SHROOM3: variants seen among roughly 807,000 people sequenced by gnomAD.
The protein encoded by SHROOM3 is protein Shroom3.
A neutral mutation model predicts 138.6 loss-of-function variants in SHROOM3; 47 were observed. The ratio of observed to expected loss-of-function variants is 0.34; its 90% confidence interval spans 0.27 to 0.43. The LOEUF (loss-of-function observed/expected upper bound fraction) is 0.43. Among genes scored for constraint, SHROOM3 ranks in the 20% least tolerant of loss-of-function variants. The probability of loss-of-function intolerance (pLI) is 1.00; values close to 1 mark genes in which losing one functional copy is unlikely to be tolerated. For missense variants in SHROOM3, 2,491 were observed against 2,596.5 expected, an observed-to-expected ratio of 0.96 and a Z score of 0.88; for synonymous variants, 1,062 against 1,063.3, an observed-to-expected ratio of 1.00 and a Z score of 0.02.
intron 1 of SHROOM3, among the ~76,000 whole-genome samples, chr4:76,454,307 G>A (rs1473902745): frequency 2.0e-5 from 3 of 152,212 alleles, no homozygotes; most frequent in Admixed American, 2.0e-4. Flanking sequence ...GCCTCACAAA[G>A]TGCTGGGATT....
intron 6 of SHROOM3, among the ~76,000 whole-genome samples, chr4:76,749,998 C>G (rs1721568614): frequency 6.6e-6 from 1 of 152,172 alleles, no homozygotes; most frequent in African/African-American, 2.4e-5. Context: ...TTCATTCAAT[C>G]ATTGTTTCTA....
intron 1 of SHROOM3, among the ~76,000 whole-genome samples, chr4:76,520,165 T>C (rs886499118): frequency 2.0e-5 from 3 of 152,152 alleles, no homozygotes; most frequent in African/African-American, 7.2e-5. Flanking sequence ...CCCCTGTACA[T>C]TAAGCCCAAA....
chr4:76,607,193 AT>A (rs1173871830), intron 2 of SHROOM3, among the ~76,000 whole-genome samples: 1 of 145,728 alleles, frequency 6.9e-6, no homozygotes, highest in Non-Finnish European at 1.5e-5. Flanking sequence ...TTTCTGTTTT[AT>A]GGAACTAAAG....
At chr4:76,491,810 C>T (rs1215783959) in intron 1 of SHROOM3, among the ~76,000 whole-genome samples, 1 of 152,184 alleles carries the variant, frequency 6.6e-6, no homozygotes, top group Non-Finnish European at 1.5e-5. Flanking sequence ...CAAATTGATG[C>T]AGACTTTGTG....
intron 2 of SHROOM3, among the ~76,000 whole-genome samples, chr4:76,634,810 T>A (rs188778836): frequency 1.3e-5 from 2 of 152,172 alleles, no homozygotes; most frequent in Admixed American, 1.3e-4. Context: ...TTTGTGTGAC[T>A]TAGAGGAAGA....
rs1351302591 is a variant in SHROOM3 at position 76,781,050 on chromosome 4, T to C, written c.*1873T>C. On this transcript the variant is annotated 3_prime_UTR_variant, in exon 11 of 11. Transcript: ENST00000296043. ...TCAGAGGAATCCAGGGGGCTCCCAG[T>C]TCCCAACACTCTTCGAGATGACCAT... 6.6e-6 allele frequency: 1 copy of C among 152,200 alleles called. No individual in the cohort carries two copies. The highest frequency in any genetic ancestry group is 1.9e-4 in the East Asian group (1 of 5,196). The allele number at this position is 152,200 out of a possible 1,614,324, so 9.4% of individuals were successfully genotyped here.
intron 1 of SHROOM3, among the ~76,000 whole-genome samples, chr4:76,528,693 T>C (rs1374818156): frequency 2.6e-5 from 4 of 152,068 alleles, no homozygotes; most frequent in African/African-American, 9.7e-5. Flanking sequence ...GCTGGGATTA[T>C]AGGCATGTGC....
At chr4:76,720,519 T>C (rs1720511334) in intron 3 of SHROOM3, among the ~76,000 whole-genome samples, 2 of 152,202 alleles carry the variant, frequency 1.3e-5, no homozygotes. Flanking sequence ...ATCATTTTCC[T>C]ATAAACAGTA....
At chr4:76,487,655 G>A (rs1333599508) in intron 1 of SHROOM3, among the ~76,000 whole-genome samples, 2 of 149,920 alleles carry the variant, frequency 1.3e-5, no homozygotes, top group Non-Finnish European at 2.9e-5. Context: ...AAATTGAAAT[G>A]TACTACTGGG....
intron 10 of SHROOM3, among the ~76,000 whole-genome samples, chr4:76,774,061 T>A (rs1257186386): frequency 6.6e-6 from 1 of 152,134 alleles, no homozygotes; most frequent in Non-Finnish European, 1.5e-5. Context: ...TAGGCAATTG[T>A]CCTGGGGGTA....
At position 76,739,452 on chromosome 4, in the gene SHROOM3, T is replaced by C. The variant is rs758201409; in HGVS notation, c.1279T>C (p.Phe427Leu). The change falls in exon 5 of 11, where the codon TTC (phenylalanine) becomes CTC (leucine). Residue 427 changes from phenylalanine to leucine, a missense_variant. Physicochemically the swap from Phe to Leu is conservative, Grantham distance 22. This residue lies in a region of SHROOM3 where 1,733 missense variants were observed against 1,661.6 expected (regional missense o/e 1.04). Coordinates refer to ENST00000296043, the MANE Select transcript of SHROOM3 (RefSeq NM_020859.4). ...ANSLGSLKSP[F>L]IEEQLHTVLE... ...CTCTTTAGGCTCCCTGAAGTCTCCA[T>C]TCATAGAGGAGCAGCTGCATACTGT... is the stretch of plus-strand genomic sequence containing the variant. The C allele has an allele frequency of 1.9e-5, 30 of 1,614,022 alleles. No homozygotes were observed. The highest frequency in any genetic ancestry group is 2.5e-5 in the Non-Finnish European group (29 of 1,180,014).
At chr4:76,766,949 G>A (rs1007520550) in intron 9 of SHROOM3, among the ~76,000 whole-genome samples, 2 of 152,124 alleles carry the variant, frequency 1.3e-5, no homozygotes, top group Admixed American at 6.5e-5. Context: ...TTCCACAGAA[G>A]CCTCCCTGCA....
At chr4:76,538,576 G>GT (rs1733030872) in intron 1 of SHROOM3, among the ~76,000 whole-genome samples, 1 of 152,174 alleles carries the variant, frequency 6.6e-6, no homozygotes, top group Admixed American at 6.5e-5. Context: ...AGCATGGCAG[G>GT]TAGGAATCTG....
At chr4:76,528,864 T>C (rs1732767375) in intron 1 of SHROOM3, among the ~76,000 whole-genome samples, 1 of 152,326 alleles carries the variant, frequency 6.6e-6, no homozygotes, top group South Asian at 2.1e-4. Context: ...TTCCTCTCCC[T>C]ATTCTTCCAA....
intron 9 of SHROOM3, among the ~76,000 whole-genome samples, chr4:76,760,831 G>A (rs1721965654): frequency 6.6e-6 from 1 of 152,172 alleles, no homozygotes; most frequent in Non-Finnish European, 1.5e-5. Flanking sequence ...AGACCACTTG[G>A]CTTTTGGTCT....
chr4:76,658,845 A>T (rs1412263976), intron 2 of SHROOM3, among the ~76,000 whole-genome samples: 3 of 152,190 alleles, frequency 2.0e-5, no homozygotes, highest in Non-Finnish European at 2.9e-5. Flanking sequence ...TGCAAAACTG[A>T]CACATCAGAT....
intron 2 of SHROOM3, among the ~76,000 whole-genome samples, chr4:76,603,931 C>T (rs1341023289): frequency 1.3e-5 from 2 of 151,002 alleles, no homozygotes; most frequent in Non-Finnish European, 3.0e-5. Flanking sequence ...CAACCTCTGC[C>T]CCCCTGGTTC....
chr4:76,700,083 G>A (rs1008849358), intron 2 of SHROOM3, among the ~76,000 whole-genome samples: 5 of 152,272 alleles, frequency 3.3e-5, no homozygotes, highest in Admixed American at 6.5e-5. Context: ...TACTTATTGG[G>A]CATCATCCAA....
intron 2 of SHROOM3, among the ~76,000 whole-genome samples, chr4:76,653,013 A>G (rs1735994242): frequency 6.6e-6 from 1 of 152,092 alleles, no homozygotes; most frequent in Admixed American, 6.6e-5. Context: ...ATTGATCCTC[A>G]GTAGGACTTT....
Sources: allele counts gnomAD v4.1 joint callset (sites outside exome capture counted in the v4.1 genomes callset), GRCh38; gene constraint gnomAD v4.1.1; regional missense constraint gnomAD v4.1.1; transcripts MANE v1.5; gene names NCBI Gene and HGNC (gene_info 2026-07-23, HGNC 2026-07-21).